Variants in TMC2 observed in about 807,000 individuals in gnomAD.
The protein encoded by TMC2 is transmembrane channel like 2.
Under a neutral mutation model 105.9 loss-of-function variants are expected in TMC2, and 102 were observed. The ratio of observed to expected loss-of-function variants is 0.96; its 90% confidence interval spans 0.82 to 1.14. The LOEUF is 1.14. Among genes scored for constraint, TMC2 ranks in the 50% most tolerant of loss-of-function variants. The pLI is 0.00. For missense variants in TMC2, 1,093 were observed against 1,134.3 expected (o/e 0.96, Z 0.52); for synonymous variants, 402 against 422.8 (o/e 0.95, Z 0.60).
chr20:2,610,235 A>C (rs1041865016), intron 11 of TMC2, among the ~76,000 whole-genome samples, 184 bp from the exon 12 acceptor site: 1 of 152,240 alleles, frequency 6.6e-6, no homozygotes, highest in African/African-American at 2.4e-5. Flanking sequence ...GCACAGGCCA[A>C]GTGCTCAGGG....
In TMC2 at chr20:2,617,093, A is replaced by G. The variant is rs768199124; in HGVS notation, c.1962A>G (p.Pro654=). Residue 654 remains proline (P), a synonymous_variant, in exon 16 of 20, where the codon CCA becomes CCG. Transcript: ENST00000358864. Reference sequence around the variant, plus strand: ...CCAGGATGGGCTCCTTCTATGCTCCAGGCCTGGTGGGCATTAATGTGCTGC... The same window carrying G: ...CCAGGATGGGCTCCTTCTATGCTCCGGGCCTGGTGGGCATTAATGTGCTGC... ...GMIWMGSFYA[P]GLVGINVLRL... 6.2e-7 allele frequency: 1 copy of G among 1,614,180 alleles called. No homozygotes were observed. The highest frequency in any genetic ancestry group is 1.1e-5 in the South Asian group (1 of 91,082).
At chr20:2,637,613 TTA>T (rs778333738) in intron 19 of TMC2, 22 bp downstream of exon 19, 9 of 1,548,490 alleles carry the variant, frequency 5.8e-6, no homozygotes, top group Middle Eastern at 3.4e-4. Flanking sequence ...GTCATAATGA[TTA>T]TGTTTTACAA....
chr20:2,598,413 TATTTATTTA>T (rs201158423), intron 10 of TMC2, among the ~76,000 whole-genome samples: 4,304 of 150,858 alleles, frequency 0.029, 206 homozygotes, highest in African/African-American at 0.097. Flanking sequence ...TTTATTTATT[TATTTATTTA>T]TTTATTTATT....
intron 11 of TMC2, among the ~76,000 whole-genome samples, chr20:2,603,006 T>A (rs7266213): frequency 0.44 from 67,390 of 152,108 alleles, 15,763 homozygotes; most frequent in East Asian, 0.65. Flanking sequence ...GAGATTTGAA[T>A]AGTGCTTGTG....
At chr20:2,586,770 T>C (rs2086234707) in intron 7 of TMC2, among the ~76,000 whole-genome samples, 1 of 150,598 alleles carries the variant, frequency 6.6e-6, no homozygotes, top group Admixed American at 6.6e-5. Context: ...CATTTCAACA[T>C]GAGAGTTGGA....
rs77460879 is a variant in TMC2 at position 2,642,913 on chromosome 20, C to T, written c.*1562C>T. On this transcript the variant is annotated 3_prime_UTR_variant, in exon 20 of 20. Coordinates refer to ENST00000358864, the MANE Select transcript of TMC2 (RefSeq NM_080751.3). The stretch of plus-strand genomic sequence containing the variant: ...CCCCCAGGGGTTCTCAGGAGAATCC[C>T]CCAGACTCAGAAAGTCAGGCAAAGC... Among the ~76,000 whole-genome samples the T allele has an allele frequency of 0.11, 16,800 of 152,106 alleles. 1,159 individuals carry two copies. The highest frequency in any genetic ancestry group is 0.16 in the Middle Eastern group (48 of 292).
intron 17 of TMC2, among the ~76,000 whole-genome samples, chr20:2,633,505 G>T (rs6050719): frequency 6.6e-6 from 1 of 151,770 alleles, no homozygotes; most frequent in Non-Finnish European, 1.5e-5. Flanking sequence ...TCTCACAGCC[G>T]TGATGTTCAA....
At chr20:2,537,559 C>G (rs1258066361) in intron 2 of TMC2, among the ~76,000 whole-genome samples, 1 of 152,162 alleles carries the variant, frequency 6.6e-6, no homozygotes, top group Non-Finnish European at 1.5e-5. Flanking sequence ...ACACTCTGAG[C>G]TGAGCCTTGG....
Position 2,616,314 on chromosome 20 carries a change from T to A in TMC2, c.1940+110T>A. 2.3e-6 allele frequency: 2 copies of A among 853,008 alleles called. No individual in the cohort carries two copies. The highest frequency in any genetic ancestry group is 4.0e-6 in the Non-Finnish European group (2 of 500,084). 52.8% of individuals were successfully genotyped at this position (853,008 alleles called of 1,614,324 possible). On this transcript the variant is annotated intron_variant, in intron 15 of 19. Transcript: ENST00000358864. This position sits in a 1 kb window ranked among gnomAD's most constrained non-coding sequence, Gnocchi z 4.8. ...AAGAGGCTAGATAAGTCCTCTTGCC[T>A]CTCTGAACTCCCCTCTTTCACATGA...
intron 4 of TMC2, among the ~76,000 whole-genome samples, chr20:2,568,255 GA>G (rs1163996379): frequency 6.6e-6 from 1 of 152,094 alleles, no homozygotes; most frequent in Non-Finnish European, 1.5e-5. Flanking sequence ...CACCTACAGG[GA>G]AAAAAACACA....
rs940224164 is a variant in TMC2, at chr20:2,598,438, A to G, written c.1224+1140A>G. Among the ~76,000 whole-genome samples, 12 of 151,940 alleles carry G rather than the reference A, an allele frequency of 7.9e-5. No individual in the cohort carries two copies. In the South Asian group the frequency reaches 1.9e-3, roughly 24 times the overall value. On this transcript the variant is annotated intron_variant, in intron 10 of 19. Transcript: ENST00000358864. ...TATTTATTTATTTATTTATTGAGAC[A>G]GAGTGTCGCTCTGTCACCCAGGGTG...
rs2086696755 is a variant in TMC2 at position 2,642,601 on chromosome 20, C to T, written c.*1250C>T. On this transcript the variant is annotated 3_prime_UTR_variant, in exon 20 of 20. Transcript: ENST00000358864. Reference sequence around the variant, plus strand: ...GTTCACTTAGTGTCATATCATGGTTCTATGCAGAATATTTCTTAGGGGGAA... The same window carrying T: ...GTTCACTTAGTGTCATATCATGGTTTTATGCAGAATATTTCTTAGGGGGAA... Among the ~76,000 whole-genome samples, 1 of 152,132 alleles carries T rather than the reference C, an allele frequency of 6.6e-6. No individual in the cohort carries two copies. The highest frequency in any genetic ancestry group is 2.1e-4 in the South Asian group (1 of 4,824).
chr20:2,632,096 A>C (rs1451742333), intron 17 of TMC2, among the ~76,000 whole-genome samples: 1 of 149,708 alleles, frequency 6.7e-6, no homozygotes, highest in Non-Finnish European at 1.5e-5. Context: ...ATCTCAGCTC[A>C]CTGCAGCCTC....
chr20:2,616,098 T>A lies in TMC2; in HGVS notation c.1873-39T>A, dbSNP rs1314130643. On this transcript the variant is annotated intron_variant, in intron 14 of 19. Transcript: ENST00000358864. This position sits in a 1 kb window ranked among gnomAD's most constrained non-coding sequence, Gnocchi z 4.8. ...GCTGAATTCACCAAACGTGCTTTTT[T>A]TTTTCTCTCTCTCTCTCGCTCCCTC... The A allele has an allele frequency of 4.5e-6, 7 of 1,572,726 alleles. No individual in the cohort carries two copies. In the African/African-American group the frequency reaches 6.8e-5, roughly 15 times the overall value.
intron 10 of TMC2, among the ~76,000 whole-genome samples, chr20:2,600,350 A>C (rs1411130548): frequency 1.3e-5 from 2 of 152,196 alleles, no homozygotes; most frequent in African/African-American, 4.8e-5. Context: ...ATAATCAAAA[A>C]TCAATTTTTA....
chr20:2,584,189 A>G (rs1338294099), intron 7 of TMC2, among the ~76,000 whole-genome samples: 1 of 152,112 alleles, frequency 6.6e-6, no homozygotes, highest in Non-Finnish European at 1.5e-5. Context: ...TCACGCCTGT[A>G]ATCCCAGCAC....
At chr20:2,600,404 A>G (rs528541504) in intron 10 of TMC2, among the ~76,000 whole-genome samples, 1 of 152,318 alleles carries the variant, frequency 6.6e-6, no homozygotes, top group South Asian at 2.1e-4. Context: ...AAGGCCAGGC[A>G]CAGTGGCTCA....
rs1337073085 is a variant in TMC2 at position 2,641,355 on chromosome 20, C to T, written c.*4C>T. 1.2e-6 allele frequency: 2 copies of T among 1,601,624 alleles called. No individual in the cohort carries two copies. Among genetic ancestry groups the T allele is most frequent in the Non-Finnish European group, 1.7e-6 (2 of 1,169,284 alleles). ...TGCTCAGAGACCTCCCCACTGATGG[C>T]TAGGACTCCAGGGAGCCTCGACCCT... On this transcript the variant is annotated 3_prime_UTR_variant, in exon 20 of 20. Coordinates refer to ENST00000358864, the MANE Select transcript of TMC2 (RefSeq NM_080751.3).
rs2085997639 is a variant in TMC2, at chr20:2,558,372, G to T, written c.83-84G>T. Reference sequence around the variant, plus strand: ...CTCACAAGCTCTCGGAATCATCTTGGACGTCTGATTTCTCACGGCCGGGGA... The same window carrying T: ...CTCACAAGCTCTCGGAATCATCTTGTACGTCTGATTTCTCACGGCCGGGGA... On this transcript the variant is annotated intron_variant, in intron 2 of 19. Transcript: ENST00000358864. The surrounding 1 kb of genome is among the most constrained non-coding windows in gnomAD (Gnocchi z 4.6). The T allele has an allele frequency of 7.8e-6, 12 of 1,531,880 alleles. No homozygotes were observed. The highest frequency in any genetic ancestry group is 9.7e-6 in the Non-Finnish European group (11 of 1,138,422). The allele number at this position is 1,531,880 out of a possible 1,614,324, so 94.9% of individuals were successfully genotyped here. A position where few individuals can be genotyped will look rare whatever the true frequency, so the allele number is the denominator to read the frequency against.
Sources: allele counts gnomAD v4.1 joint callset (sites outside exome capture counted in the v4.1 genomes callset), GRCh38; gene constraint gnomAD v4.1.1; non-coding constraint Gnocchi (gnomAD v3.1); transcripts MANE v1.5; gene names NCBI Gene and HGNC (gene_info 2026-07-23, HGNC 2026-07-21).